Variants in ARFIP1 observed in about 807,000 individuals in gnomAD.
ARFIP1 encodes arfaptin-1.
Under a neutral mutation model 42.5 loss-of-function variants are expected in ARFIP1, and 24 were observed. The observed-to-expected ratio is 0.57, with a 90% CI of 0.41 to 0.80. The LOEUF (loss-of-function observed/expected upper bound fraction) is 0.80, where lower values mean the gene tolerates loss of function less well. Among genes scored for constraint, ARFIP1 ranks in the 30% least tolerant of loss-of-function variants. The pLI is 0.00. For missense variants in ARFIP1, 354 were observed against 434.0 expected, an observed-to-expected ratio of 0.82 and a Z score of 1.64; for synonymous variants, 141 against 153.7, an observed-to-expected ratio of 0.92 and a Z score of 0.61.
chr4:152,861,520 A>C (rs182174436), intron 2 of ARFIP1, among the ~76,000 whole-genome samples: 3 of 152,332 alleles, frequency 2.0e-5, no homozygotes, highest in Admixed American at 2.0e-4. Context: ...AGTACATTTA[A>C]GGAGTACATT....
chr4:152,790,726 A>ATTTT (rs1731095821), intron 1 of ARFIP1, among the ~76,000 whole-genome samples: 3 of 125,626 alleles, frequency 2.4e-5, no homozygotes, highest in Non-Finnish European at 5.1e-5. Context: ...TGATGTGTTT[A>ATTTT]TCTTTTTTTT....
At chr4:152,886,519 T>G (rs895096901) in intron 7 of ARFIP1, among the ~76,000 whole-genome samples, 8 of 152,042 alleles carry the variant, frequency 5.3e-5, no homozygotes, top group Admixed American at 3.9e-4. Flanking sequence ...AGTATCCTAC[T>G]GATTTCTGTA....
chr4:152,832,659 G>A (rs563666365), intron 2 of ARFIP1, among the ~76,000 whole-genome samples: 1 of 152,230 alleles, frequency 6.6e-6, no homozygotes, highest in East Asian at 1.9e-4. Flanking sequence ...GCCTACTTCA[G>A]TATCTTGAAG....
chr4:152,860,566 A>C (rs1733808349), intron 2 of ARFIP1, among the ~76,000 whole-genome samples: 1 of 152,248 alleles, frequency 6.6e-6, no homozygotes, highest in African/African-American at 2.4e-5. Context: ...AATACTTTAC[A>C]CACTGAAGTT....
intron 7 of ARFIP1, among the ~76,000 whole-genome samples, chr4:152,887,026 G>A (rs1404714608): frequency 6.6e-6 from 1 of 151,912 alleles, no homozygotes; most frequent in East Asian, 1.9e-4. Flanking sequence ...TCCCAGAATA[G>A]GAGATGTGAA....
chr4:152,882,704 G>A lies in ARFIP1; in HGVS notation c.634-19G>A. 2 of 1,607,906 alleles carry A rather than the reference G, an allele frequency of 1.2e-6. No individual in the cohort carries two copies. Among genetic ancestry groups the A allele is most frequent in the Non-Finnish European group, 8.5e-7 (1 of 1,176,904 alleles). On this transcript the variant is annotated intron_variant, in intron 6 of 8. Coordinates refer to ENST00000353617, the MANE Select transcript of ARFIP1 (RefSeq NM_001025595.3). ...ACTGATTTATTACTGAATAAATTAAGGTGACTTCTTTGTTTTAGGAAGAAT... is the reference window on the plus strand; with the variant it reads ...ACTGATTTATTACTGAATAAATTAAAGTGACTTCTTTGTTTTAGGAAGAAT...
chr4:152,870,708 G>A, intron 3 of ARFIP1, 45 bp from the exon 4 acceptor site: 1 of 1,345,830 alleles, frequency 7.4e-7, no homozygotes, highest in East Asian at 2.3e-5. Context: ...TACAGTATGT[G>A]GAGGAGGAAA....
At chr4:152,842,664 C>A (rs532981328) in intron 2 of ARFIP1, among the ~76,000 whole-genome samples, 1 of 152,140 alleles carries the variant, frequency 6.6e-6, no homozygotes, top group Admixed American at 6.5e-5. Flanking sequence ...ACCTTGCCTT[C>A]GAGCTCGGAA....
chr4:152,829,729 A>G lies in ARFIP1; in HGVS notation c.93+3A>G, dbSNP rs751473678. ...CTCGTGAACATAGCTTTAATAGGGT[A>G]AGAACACTTTTCTTTCTCTTAATGC... On this transcript the variant is annotated splice_donor_region_variant and intron_variant, in intron 2 of 8. Transcript: ENST00000353617. 14 of 1,583,762 alleles carry G rather than the reference A, an allele frequency of 8.8e-6. No individual in the cohort carries two copies. The highest frequency in any genetic ancestry group is 1.1e-5 in the Non-Finnish European group (13 of 1,163,212).
intron 1 of ARFIP1, among the ~76,000 whole-genome samples, chr4:152,792,517 T>C (rs1335756789): frequency 1.2e-4 from 18 of 152,204 alleles, no homozygotes; most frequent in Non-Finnish European, 1.5e-5. Context: ...CCACCTGTTA[T>C]ATGAGTACCT....
chr4:152,875,175 A>G (rs993384562), intron 5 of ARFIP1, among the ~76,000 whole-genome samples: 1 of 152,152 alleles, frequency 6.6e-6, no homozygotes, highest in Non-Finnish European at 1.5e-5. Flanking sequence ...GAGCAATTTT[A>G]GGTTTAGACA....
chr4:152,886,462 A>G (rs554846601), intron 7 of ARFIP1, among the ~76,000 whole-genome samples: 127 of 152,104 alleles, frequency 8.3e-4, no homozygotes, highest in African/African-American at 3.0e-3. Flanking sequence ...GTGTCATTGT[A>G]TCTTACAAAT....
intron 8 of ARFIP1, among the ~76,000 whole-genome samples, chr4:152,903,498 T>A (rs1738021138): frequency 1.3e-5 from 2 of 152,132 alleles, no homozygotes; most frequent in Non-Finnish European, 2.9e-5. Flanking sequence ...TTTTTTTTCT[T>A]TTGTTTTTAC....
At position 152,901,539 on chromosome 4, in the gene ARFIP1, A is replaced by G. The variant is rs575093780; in HGVS notation, c.967-8525A>G. Among the ~76,000 whole-genome samples the G allele has an allele frequency of 2.6e-5, 4 of 152,330 alleles. No homozygotes were observed. In the East Asian group the frequency reaches 5.8e-4, roughly 22 times the overall value. ...TGGCAGATGTTTACGAAAGTTCTTCATAAGTGAGTTTGTAATGATTTAGTA... is the reference window on the plus strand; with the variant it reads ...TGGCAGATGTTTACGAAAGTTCTTCGTAAGTGAGTTTGTAATGATTTAGTA... On this transcript the variant is annotated intron_variant, in intron 8 of 8. Coordinates refer to ENST00000353617, the MANE Select transcript of ARFIP1 (RefSeq NM_001025595.3).
At chr4:152,823,328 C>A (rs1309854043) in intron 1 of ARFIP1, among the ~76,000 whole-genome samples, 1 of 60,484 alleles carries the variant, frequency 1.7e-5, no homozygotes, top group East Asian at 6.7e-4. Flanking sequence ...ATCATACAAC[C>A]CCTCAAGCTT....
chr4:152,798,604 T>C (rs1283341591), intron 1 of ARFIP1, among the ~76,000 whole-genome samples: 1 of 152,226 alleles, frequency 6.6e-6, no homozygotes, highest in Non-Finnish European at 1.5e-5. Flanking sequence ...TGTTGTATTA[T>C]TTTCTTAATG....
At chr4:152,817,307 C>G (rs1729978070) in intron 1 of ARFIP1, among the ~76,000 whole-genome samples, 1 of 152,116 alleles carries the variant, frequency 6.6e-6, no homozygotes, top group African/African-American at 2.4e-5. Context: ...TGTGAGAATG[C>G]AGTGACAGGA....
intron 2 of ARFIP1, among the ~76,000 whole-genome samples, chr4:152,833,897 A>T (rs991931571): frequency 3.9e-5 from 6 of 152,176 alleles, no homozygotes; most frequent in Non-Finnish European, 7.4e-5. Context: ...GAGTTGCTAT[A>T]AAGAAATACC....
At chr4:152,819,415 C>T (rs764142129) in intron 1 of ARFIP1, among the ~76,000 whole-genome samples, 4 of 152,192 alleles carry the variant, frequency 2.6e-5, no homozygotes, top group African/African-American at 4.8e-5. Context: ...TCTCCATCTA[C>T]GTCACTTCCC....
Sources: allele counts gnomAD v4.1 joint callset (sites outside exome capture counted in the v4.1 genomes callset), GRCh38; gene constraint gnomAD v4.1.1; transcripts MANE v1.5; gene names NCBI Gene and HGNC (gene_info 2026-07-23, HGNC 2026-07-21).